Variants in XG observed in about 807,000 individuals in gnomAD.
XG encodes the protein Xg glycoprotein (Xg blood group).
A neutral mutation model predicts 25.7 loss-of-function variants in XG; 24 were observed. The ratio of observed to expected loss-of-function variants is 0.93; its 90% CI spans 0.68 to 1.31. The LOEUF is 1.31. XG is among the 40% of genes most tolerant of loss of function. The pLI is 0.00. For missense variants in XG, 181 were observed against 187.6 expected (o/e 0.96, Z 0.21); for synonymous variants, 77 against 69.2 (o/e 1.11, Z -0.56).
intron 4 of XG, among the ~76,000 whole-genome samples, chrX:2,783,658 A>C (rs150378456): frequency 0.015 from 1,737 of 112,375 alleles, 32 homozygotes; most frequent in African/African-American, 0.053. Context: ...CCAAGACCCA[A>C]GGGAGGTGAC....
At chrX:2,800,587 T>A (rs1330752575) in intron 7 of XG, among the ~76,000 whole-genome samples, 40 of 112,322 alleles carry the variant, frequency 3.6e-4, no homozygotes, top group Non-Finnish European at 6.9e-4. Flanking sequence ...GAGCAATAGC[T>A]GTGGCCCTAT....
At chrX:2,770,483 G>C (rs1314185315) in intron 1 of XG, 67 bp from the exon 2 acceptor site, 2 of 1,591,262 alleles carry the variant, frequency 1.3e-6, no homozygotes, top group Middle Eastern at 1.7e-4. Flanking sequence ...GCAGCATGAG[G>C]TGAGGAACAA....
rs1323466287 is a variant in XG, at chrX:2,797,353, C to T, written c.366C>T (p.Asn122=). The change falls in exon 7 of 11, where the codon AAC becomes AAT. Residue 122 remains asparagine, a synonymous_variant. Coordinates refer to ENST00000644266, the MANE Select transcript of XG (RefSeq NM_001141919.2). ...GGYSSYGNSD[N]THGRGGYRLN... is the part of the protein sequence containing the mutation. The stretch of plus-strand genomic sequence containing the variant: ...ACTCCAGTTATGGCAACTCCGACAA[C>T]ACGCACGGTACCCCTACATCTGGGC... 3 of 1,210,118 alleles carry T rather than the reference C, an allele frequency of 2.5e-6. No individual in the cohort carries two copies. The East Asian group carries it at 8.9e-5, about 36-fold the overall frequency.
rs1481589987 is a variant in XG, at chrX:2,768,393, G to A, written c.62-2157G>A. The stretch of plus-strand genomic sequence containing the variant: ...TGGAACTGCTGGCAGCCTTGGAGGG[G>A]AGATGTTGCACAGATCCAAGAGGCT... On this transcript the variant is annotated intron_variant, in intron 1 of 10. Coordinates refer to ENST00000644266, the MANE Select transcript of XG (RefSeq NM_001141919.2). 3.9e-5 allele frequency among the ~76,000 whole-genome samples: 6 copies of A among 152,196 alleles called. No individual in the cohort carries two copies. The East Asian group carries it at 1.2e-3, about 29-fold the overall frequency.
intron 7 of XG, among the ~76,000 whole-genome samples, chrX:2,803,924 C>T (rs1190519297): frequency 9.1e-6 from 1 of 109,462 alleles, no homozygotes; most frequent in Admixed American, 9.7e-5. Context: ...CTCACTGCAT[C>T]CTCTGCCTCC....
chrX:2,756,584 C>T (rs1244060830), intron 1 of XG, among the ~76,000 whole-genome samples: 1 of 143,528 alleles, frequency 7.0e-6, no homozygotes, highest in Non-Finnish European at 1.5e-5. Flanking sequence ...TGTTATGCAT[C>T]AATTAAAAAT....
At chrX:2,795,026 ATGCATC>A (rs943407449) in intron 6 of XG, among the ~76,000 whole-genome samples, 2 of 110,736 alleles carry the variant, frequency 1.8e-5, no homozygotes, top group Non-Finnish European at 3.8e-5. Flanking sequence ...ATATATATAA[ATGCATC>A]TACATATGTA....
chrX:2,784,699 G>A (rs2086768015), intron 4 of XG, among the ~76,000 whole-genome samples: 1 of 112,031 alleles, frequency 8.9e-6, no homozygotes, highest in Non-Finnish European at 1.9e-5. Flanking sequence ...AATAGGAGGA[G>A]GAGTGGGGGA....
intron 1 of XG, among the ~76,000 whole-genome samples, chrX:2,756,467 A>G (rs751342051): frequency 6.6e-6 from 1 of 152,342 alleles, no homozygotes; most frequent in Non-Finnish European, 1.5e-5. Context: ...AATATGAAGG[A>G]AAGACAAATA....
intron 1 of XG, among the ~76,000 whole-genome samples, chrX:2,765,115 A>T (rs2050650923): frequency 6.7e-6 from 1 of 150,244 alleles, no homozygotes; most frequent in Non-Finnish European, 1.5e-5. Context: ...TGGGAGGCCA[A>T]GGTGGGTGGA....
intron 4 of XG, among the ~76,000 whole-genome samples, chrX:2,782,557 G>A (rs1359927386): frequency 9.0e-6 from 1 of 111,168 alleles, no homozygotes; most frequent in East Asian, 2.8e-4. Flanking sequence ...GGGAAGTGGG[G>A]AGTGCTGACC....
At chrX:2,772,027 G>A (rs1056157496) in intron 2 of XG, among the ~76,000 whole-genome samples, 15 of 152,052 alleles carry the variant, frequency 9.9e-5, no homozygotes, top group Admixed American at 2.0e-4. Context: ...AAGCATTGGG[G>A]GATTATCTCC....
rs756244640 is a variant in XG at position 2,755,867 on chromosome X, T to G, written c.61+3532T>G. Among the ~76,000 whole-genome samples the G allele has an allele frequency of 5.3e-5, 8 of 152,092 alleles. No individual in the cohort carries two copies. In the East Asian group the frequency reaches 1.4e-3, roughly 26 times the overall value. On this transcript the variant is annotated intron_variant, in intron 1 of 10. Transcript: ENST00000644266. ...TCCCAAAAACATTCTGCAAGGCTGG[T>G]GCGATGATTGCTATGAAGTACTTAA... is the stretch of plus-strand genomic sequence containing the variant.
chrX:2,773,404 AGAGGAGAAAGGTTGGAGGGG>A, intron 2 of XG, among the ~76,000 whole-genome samples: 1 of 140,648 alleles, frequency 7.1e-6, no homozygotes, highest in African/African-American at 2.6e-5. Context: ...GGAGAGAGGG[AGAGGAGAAAGGTTGGAGGGG>A]AGGAAGGAAG....
chrX:2,785,185 A>G (rs187203950), intron 4 of XG, among the ~76,000 whole-genome samples: 224 of 112,075 alleles, frequency 2.0e-3, no homozygotes, highest in African/African-American at 6.9e-3. Context: ...TGAAAACTCA[A>G]TTTACATGTG....
chrX:2,787,673 G>C (rs560847330), intron 4 of XG, among the ~76,000 whole-genome samples: 1 of 110,245 alleles, frequency 9.1e-6, no homozygotes, highest in East Asian at 2.9e-4. Flanking sequence ...TTCAGAGGCC[G>C]ACGTGGGTGG....
At chrX:2,792,009 G>C (rs186628213) in intron 5 of XG, among the ~76,000 whole-genome samples, 1 of 110,748 alleles carries the variant, frequency 9.0e-6, no homozygotes, top group Non-Finnish European at 1.9e-5. Flanking sequence ...GAGGCCAGGC[G>C]TGGTGGCTCA....
At chrX:2,754,873 G>A (rs1285492008) in intron 1 of XG, among the ~76,000 whole-genome samples, 2 of 152,112 alleles carry the variant, frequency 1.3e-5, no homozygotes, top group Non-Finnish European at 2.9e-5. Flanking sequence ...ATCTCCTTTG[G>A]CAACACCCTC....
intron 10 of XG, 73 bp from the exon 11 acceptor site, chrX:2,814,291 T>A (rs1488204696): frequency 9.0e-7 from 1 of 1,113,794 alleles, no homozygotes; most frequent in Non-Finnish European, 1.2e-6. Context: ...GGATCTTGGT[T>A]TTCTTTTTCT....
Sources: allele counts gnomAD v4.1 joint callset (sites outside exome capture counted in the v4.1 genomes callset), GRCh38; gene constraint gnomAD v4.1.1; transcripts MANE v1.5; gene names NCBI Gene and HGNC (gene_info 2026-07-23, HGNC 2026-07-21).